Variants in TERT observed in about 807,000 individuals in gnomAD.
TERT encodes the protein telomerase catalytic subunit.
Under a neutral mutation model 104.0 loss-of-function variants are expected in TERT, and 42 were observed. The ratio of observed to expected loss-of-function variants is 0.40; its 90% CI spans 0.32 to 0.52. The LOEUF (loss-of-function observed/expected upper bound fraction) is 0.52. Ranked by LOEUF, TERT falls within the 20% of genes least tolerant of loss-of-function variation. The probability of loss-of-function intolerance (pLI) is 0.43; values close to 1 mark genes in which losing one functional copy is unlikely to be tolerated. For missense variants in TERT, 1,101 were observed against 1,610.3 expected (o/e 0.68, Z 5.41); for synonymous variants, 781 against 725.6 (o/e 1.08, Z -1.23).
At position 1,280,078 on chromosome 5, in the gene TERT, C is replaced by G. The variant is rs945399638; in HGVS notation, c.1950+80G>C. The G allele has an allele frequency of 4.5e-6, 7 of 1,571,752 alleles. No individual in the cohort carries two copies. In the African/African-American group the frequency reaches 8.1e-5, roughly 18 times the overall value. On this transcript the variant is annotated intron_variant, in intron 4 of 15. Coordinates refer to ENST00000310581, the MANE Select transcript of TERT (RefSeq NM_198253.3). ...TGTGTCCCGTGGCCCCTCCTCCGGG[C>G]CCTTCATCTAAGCTGATACCAAATG...
In TERT at chr5:1,292,635, C is replaced by A. The variant is rs1239046039; in HGVS notation, c.1573+678G>T. On this transcript the variant is annotated intron_variant, in intron 2 of 15. Transcript: ENST00000310581. The surrounding 1 kb of genome is among the most constrained non-coding windows in gnomAD (Gnocchi z 5.5). ...TCAAGTGATTCTCCTGCCTCAGCCT[C>A]CCAAGTAGCTGGGATTACAGGCACA... 6.6e-6 allele frequency among the ~76,000 whole-genome samples: 1 copy of A among 152,178 alleles called. No individual in the cohort carries two copies. The highest frequency in any genetic ancestry group is 2.4e-5 in the African/African-American group (1 of 41,436).
rs1355471778 is a variant in TERT at position 1,257,617 on chromosome 5, G to A, written c.3032+981C>T. Among the ~76,000 whole-genome samples the A allele has an allele frequency of 6.6e-6, 1 of 152,220 alleles. No homozygotes were observed. The highest frequency in any genetic ancestry group is 2.4e-5 in the African/African-American group (1 of 41,460). Reference sequence around the variant, plus strand: ...AGCCTCTGGAGCTGGTGCAAAGGCGGTAACATGCAGCTGTGGCTCTGCCCT... The same window carrying A: ...AGCCTCTGGAGCTGGTGCAAAGGCGATAACATGCAGCTGTGGCTCTGCCCT... On this transcript the variant is annotated intron_variant, in intron 13 of 15. Transcript: ENST00000310581. This position sits in a 1 kb window ranked among gnomAD's most constrained non-coding sequence, Gnocchi z 5.6.
At position 1,260,617 on chromosome 5, in the gene TERT, A is replaced by C. The variant is rs774231332; in HGVS notation, c.2844-17T>G. ...CGGGCATAGCTGAGACACAGGGGGG[A>C]ATGTCAGACACAGGTGCCTGCCCCA... On this transcript the variant is annotated splice_polypyrimidine_tract_variant and intron_variant, in intron 11 of 15. Transcript: ENST00000310581. 3.1e-6 allele frequency: 5 copies of C among 1,613,204 alleles called. No individual in the cohort carries two copies. In the South Asian group the frequency reaches 5.5e-5, roughly 18 times the overall value.
chr5:1,267,535 G>A (rs749460696), intron 9 of TERT, among the ~76,000 whole-genome samples: 2 of 152,182 alleles, frequency 1.3e-5, no homozygotes, highest in South Asian at 4.1e-4. Context: ...ACATGCACAC[G>A]TATGTTTATT....
At position 1,268,534 on chromosome 5, in the gene TERT, C is replaced by A. The variant is rs1748783254; in HGVS notation, c.2568G>T (p.Gly856=). 1 of 1,613,538 alleles carries A rather than the reference C, an allele frequency of 6.2e-7. No individual in the cohort carries two copies. The highest frequency in any genetic ancestry group is 8.5e-7 in the Non-Finnish European group (1 of 1,180,008). ...GGAGGCCTCACCCGTCCCGCCGAAT[C>A]CCCGCAAACAGCTTGTTCTCCATGT... The part of the protein sequence containing the change: ...YGDMENKLFA[G]IRRDGLLLRL... Residue 856 remains glycine (G), a synonymous_variant, in exon 9 of 16, where the codon GGG becomes GGT. Coordinates refer to ENST00000310581, the MANE Select transcript of TERT (RefSeq NM_198253.3). This position sits in a 1 kb window ranked among gnomAD's most constrained non-coding sequence, Gnocchi z 5.5.
rs139903221 is a variant in TERT, at chr5:1,288,068, A to C, written c.1573+5245T>G. Among the ~76,000 whole-genome samples the C allele has an allele frequency of 7.3e-4, 111 of 152,328 alleles. No individual in the cohort carries two copies. Among genetic ancestry groups the C allele is most frequent in the Non-Finnish European group, 1.3e-3 (91 of 68,036 alleles). On this transcript the variant is annotated intron_variant, in intron 2 of 15. Coordinates refer to ENST00000310581, the MANE Select transcript of TERT (RefSeq NM_198253.3). The surrounding 1 kb of genome is among the most constrained non-coding windows in gnomAD (Gnocchi z 5.3). ...AACATAAACAGTGTTCAAATAACTC[A>C]CTGCTCAAAGAAATCACAGAATAAG... is the stretch of plus-strand genomic sequence containing the variant.
Position 1,278,698 on chromosome 5 carries a change from C to A in TERT, c.2229G>T (p.Arg743=). Residue 743 remains arginine (R), a synonymous_variant, in exon 6 of 16, where the codon CGG becomes CGT. Transcript: ENST00000310581. ...GGGCGGCCTTCTGGACCACGGCATA[C>A]CGACGCACGCAGTACGTGTTCTGGG... The part of the protein sequence containing the change: ...IKPQNTYCVR[R]YAVVQKAAHG... The A allele has an allele frequency of 6.2e-7, 1 of 1,614,210 alleles. No homozygotes were observed. Among genetic ancestry groups the A allele is most frequent in the East Asian group, 2.2e-5 (1 of 44,890 alleles).
At position 1,286,901 on chromosome 5, in the gene TERT, T is replaced by A. The variant is rs144097495; in HGVS notation, c.1574-4277A>T. ...AATAAACAAAAGCAAACAACGACAATAAAAAGATCAGGGGGTAACACTAAG... is the reference window on the plus strand; with the variant it reads ...AATAAACAAAAGCAAACAACGACAAAAAAAAGATCAGGGGGTAACACTAAG... On this transcript the variant is annotated intron_variant, in intron 2 of 15. Coordinates refer to ENST00000310581, the MANE Select transcript of TERT (RefSeq NM_198253.3). This position sits in a 1 kb window ranked among gnomAD's most constrained non-coding sequence, Gnocchi z 5.3. 6.6e-6 allele frequency among the ~76,000 whole-genome samples: 1 copy of A among 151,278 alleles called. No individual in the cohort carries two copies. The highest frequency in any genetic ancestry group is 2.4e-5 in the African/African-American group (1 of 41,184).
intron 8 of TERT, 41 bp downstream of exon 8, chr5:1,271,078 C>T (rs1415571719): frequency 4.5e-6 from 7 of 1,550,554 alleles, no homozygotes; most frequent in Non-Finnish European, 5.3e-6. Context: ...CCAGCCCGCC[C>T]AGCCACCCGC....
intron 6 of TERT, among the ~76,000 whole-genome samples, chr5:1,273,886 A>G (rs1749340400): frequency 6.6e-6 from 1 of 152,184 alleles, no homozygotes; most frequent in East Asian, 1.9e-4. Flanking sequence ...GGGCCTCTCC[A>G]GCCCAGTGCT....
At chr5:1,282,907 C>T (rs1426985678) in intron 2 of TERT, 185 of 487,160 alleles carry the variant, frequency 3.8e-4, no homozygotes, top group Non-Finnish European at 2.0e-4. Flanking sequence ...TCCAGCTCAC[C>T]GCAGGGCCTG....
At chr5:1,271,345 G>A (rs151138976) in intron 7 of TERT, 141 bp from the exon 8 acceptor site, 33 of 722,692 alleles carry the variant, frequency 4.6e-5, no homozygotes, top group Middle Eastern at 2.4e-4. Flanking sequence ...CAGGGCCATC[G>A]TGGGCTGGCC....
In TERT at chr5:1,270,072, G is replaced by A. The variant is rs1194939644; in HGVS notation, c.2468+1047C>T. Among the ~76,000 whole-genome samples, 4 of 152,196 alleles carry A rather than the reference G, an allele frequency of 2.6e-5. No homozygotes were observed. The East Asian group carries it at 5.8e-4, about 22-fold the overall frequency. ...TCTCTGGGGAGGTGACTTTGTCAGC[G>A]AATTCTGTGGGCCTGGGGGCCGCTT... is the stretch of plus-strand genomic sequence containing the variant. On this transcript the variant is annotated intron_variant, in intron 8 of 15. Coordinates refer to ENST00000310581, the MANE Select transcript of TERT (RefSeq NM_198253.3). The surrounding 1 kb of genome is among the most constrained non-coding windows in gnomAD (Gnocchi z 8.3).
intron 2 of TERT, among the ~76,000 whole-genome samples, chr5:1,289,749 C>T (rs185637203): frequency 2.2e-4 from 22 of 101,742 alleles, no homozygotes; most frequent in East Asian, 8.8e-4. Context: ...CAGGGACACC[C>T]GGGGACAGTG....
chr5:1,287,645 C>G lies in TERT; in HGVS notation c.1574-5021G>C, dbSNP rs1239865737. ...AGATTACTAGAGACATAGAAGTCTC[C>G]AAAAGATTCACTCATCAGGAAGATA... On this transcript the variant is annotated intron_variant, in intron 2 of 15. Coordinates refer to ENST00000310581, the MANE Select transcript of TERT (RefSeq NM_198253.3). The surrounding 1 kb of genome is among the most constrained non-coding windows in gnomAD (Gnocchi z 4.3). 6.6e-6 allele frequency among the ~76,000 whole-genome samples: 1 copy of G among 151,714 alleles called. No homozygotes were observed. The highest frequency in any genetic ancestry group is 1.5e-5 in the Non-Finnish European group (1 of 67,940).
Position 1,255,511 on chromosome 5 carries a change from T to C in TERT, c.3033-100A>G. 19 of 1,427,582 alleles carry C rather than the reference T, an allele frequency of 1.3e-5. No individual in the cohort carries two copies. Among genetic ancestry groups the C allele is most frequent in the Non-Finnish European group, 1.9e-5 (19 of 1,017,962 alleles). 88.4% of individuals were successfully genotyped at this position (1,427,582 alleles called of 1,614,324 possible). A position where few individuals can be genotyped will look rare whatever the true frequency, so the allele number is the denominator to read the frequency against. ...ACCGGTGCCTGTGTGCGTGCATGAA[T>C]GCACATGCATGGGTTTCCTCATGGG... is the stretch of plus-strand genomic sequence containing the variant. On this transcript the variant is annotated intron_variant, in intron 13 of 15. Coordinates refer to ENST00000310581, the MANE Select transcript of TERT (RefSeq NM_198253.3). This position sits in a 1 kb window ranked among gnomAD's most constrained non-coding sequence, Gnocchi z 6.9.
chr5:1,272,334 C>G (rs1203691084), intron 6 of TERT, 54 bp from the exon 7 acceptor site: 49 of 1,464,366 alleles, frequency 3.3e-5, no homozygotes, highest in Non-Finnish European at 4.3e-5. Context: ...CCGGCCAGAG[C>G]TGGGCACTTG....
rs776894859 is a variant in TERT, at chr5:1,268,482, C to G, written c.2582+38G>C. The G allele has an allele frequency of 1.3e-6, 2 of 1,537,166 alleles. No individual in the cohort carries two copies. The highest frequency in any genetic ancestry group is 2.3e-5 in the East Asian group (1 of 44,028). On this transcript the variant is annotated intron_variant, in intron 9 of 15. Coordinates refer to ENST00000310581, the MANE Select transcript of TERT (RefSeq NM_198253.3). This position sits in a 1 kb window ranked among gnomAD's most constrained non-coding sequence, Gnocchi z 5.5. The stretch of plus-strand genomic sequence containing the variant: ...ACTGAATGCATCAAAAGCAAATCAA[C>G]CCCCACCCAAGCCCCCCTGGGGAAG...
chr5:1,280,824 T>C (rs921309807), intron 3 of TERT, among the ~76,000 whole-genome samples: 1 of 128,660 alleles, frequency 7.8e-6, no homozygotes, highest in Non-Finnish European at 1.8e-5. Flanking sequence ...TCAGCTCTCA[T>C]GAGCCCACCA....
Sources: gnomAD v4.1 joint callset for allele counts (sites outside exome capture counted in the v4.1 genomes callset) on GRCh38, gnomAD v4.1.1 for gene constraint, Gnocchi (gnomAD v3.1) non-coding constraint, MANE v1.5 for transcripts, NCBI Gene and HGNC (gene_info 2026-07-23, HGNC 2026-07-21) for gene names.